The following FANCA variants were observed in gnomAD, a reference collection of about 807,000 sequenced individuals.
FANCA encodes FA complementation group A.
Under a neutral mutation model 194.3 loss-of-function variants are expected in FANCA, and 236 were observed. That is an observed-to-expected ratio of 1.21 (90% CI 1.09 to 1.35). FANCA has a LOEUF of 1.35. FANCA is among the 40% of genes most tolerant of loss of function. The probability of loss-of-function intolerance (pLI) is 0.00; values close to 1 mark genes in which losing one functional copy is unlikely to be tolerated. For synonymous variants in FANCA, 1,014 were observed against 715.8 expected (o/e 1.42, Z -6.65); for missense variants, 2,628 against 1,813.9 (o/e 1.45, Z -8.15).
intron 23 of FANCA, among the ~76,000 whole-genome samples, chr16:89,771,155 C>CAAAAAAAAAAAAAAAAAAA (rs34471552): frequency 1.8e-5 from 1 of 56,644 alleles, no homozygotes; most frequent in African/African-American, 7.3e-5. Context: ...AAGACTCAGT[C>CAAAAAAAAAAAAAAAAAAA]AAAAAAAAAA....
intron 21 of FANCA, 32 bp from the exon 22 acceptor site, chr16:89,773,416 G>C (rs751699948): frequency 1.0e-5 from 15 of 1,453,818 alleles, no homozygotes; most frequent in Non-Finnish European, 1.2e-5. Context: ...CAGATGGAAA[G>C]ACACTCAACA....
chr16:89,760,293 G>C (rs937562817), intron 29 of FANCA, among the ~76,000 whole-genome samples: 4 of 152,230 alleles, frequency 2.6e-5, no homozygotes, highest in African/African-American at 9.6e-5. Context: ...CCATCAGCAC[G>C]TGTTTTGCCG....
intron 33 of FANCA, 113 bp from the exon 34 acceptor site, chr16:89,747,003 C>G (rs987081001): frequency 9.5e-5 from 99 of 1,036,990 alleles, no homozygotes; most frequent in Non-Finnish European, 1.3e-4. Context: ...TAAGGCTTGG[C>G]GTGGCCACCA....
At position 89,744,951 on chromosome 16, in the gene FANCA, A is replaced by C. The variant is rs1419105668; in HGVS notation, c.3626+8T>G. 6.2e-7 allele frequency: 1 copy of C among 1,611,058 alleles called. No homozygotes were observed. Among genetic ancestry groups the C allele is most frequent in the East Asian group, 2.2e-5 (1 of 44,870 alleles). Reference sequence around the variant, plus strand: ...GCGGGCACACCCCATCTCACCACCCACACGTACTCGCTGGCAAACTGCCGG... The same window carrying C: ...GCGGGCACACCCCATCTCACCACCCCCACGTACTCGCTGGCAAACTGCCGG... On this transcript the variant is annotated splice_region_variant and intron_variant, in intron 36 of 42. Transcript: ENST00000389301.
intron 6 of FANCA, among the ~76,000 whole-genome samples, chr16:89,806,400 G>C (rs929325370): frequency 6.7e-6 from 1 of 148,788 alleles, no homozygotes. Flanking sequence ...CTCGCAGAGG[G>C]GGATTTGGCA....
chr16:89,752,803 C>A (rs1005255795), intron 30 of FANCA, among the ~76,000 whole-genome samples: 14 of 152,156 alleles, frequency 9.2e-5, no homozygotes, highest in Non-Finnish European at 1.5e-4. Flanking sequence ...GGAAGACGCC[C>A]GTCACCAAGC....
intron 14 of FANCA, among the ~76,000 whole-genome samples, chr16:89,785,870 T>TTTTTTTTG (rs1567631363): frequency 1.3e-5 from 2 of 149,482 alleles, no homozygotes; most frequent in Admixed American, 6.7e-5. Flanking sequence ...TTTTTTTTTT[T>TTTTTTTTG]TGGAGACAGA....
At chr16:89,791,280 G>A (rs17232609) in intron 14 of FANCA, 123 bp downstream of exon 14, 24 of 1,359,522 alleles carry the variant, frequency 1.8e-5, no homozygotes, top group East Asian at 2.5e-5. Context: ...AAGGCCACTC[G>A]GCAAAGCTGA....
At chr16:89,784,175 C>A (rs1050589524) in intron 15 of FANCA, among the ~76,000 whole-genome samples, 1 of 151,720 alleles carries the variant, frequency 6.6e-6, no homozygotes, top group African/African-American at 2.4e-5. Flanking sequence ...CCAGCCTGGG[C>A]AACACAGCAA....
intron 28 of FANCA, 170 bp downstream of exon 28, chr16:89,764,720 C>G: frequency 1.2e-6 from 1 of 808,998 alleles, no homozygotes; most frequent in Middle Eastern, 2.3e-4. Flanking sequence ...GCACACGCAC[C>G]CTAGACTCGA....
At chr16:89,764,203 C>T (rs556833577) in intron 28 of FANCA, among the ~76,000 whole-genome samples, 1 of 152,308 alleles carries the variant, frequency 6.6e-6, no homozygotes, top group East Asian at 1.9e-4. Context: ...GACTGCACCA[C>T]TGAGCACAGC....
chr16:89,792,670 A>T, intron 11 of FANCA, 123 bp from the exon 12 acceptor site: 1 of 765,476 alleles, frequency 1.3e-6, no homozygotes, highest in South Asian at 1.5e-5. Context: ...GAGAGTGTAG[A>T]AAGAAAGATA....
chr16:89,749,213 G>C (rs1490948145), intron 32 of FANCA, among the ~76,000 whole-genome samples: 3 of 151,000 alleles, frequency 2.0e-5, no homozygotes, highest in Non-Finnish European at 4.4e-5. Context: ...TGAGCAGGAA[G>C]GTTTTGTTGT....
At chr16:89,741,290 A>G (rs1316177256) in intron 37 of FANCA, among the ~76,000 whole-genome samples, 1 of 152,210 alleles carries the variant, frequency 6.6e-6, no homozygotes, top group Non-Finnish European at 1.5e-5. Context: ...CTCGCTGCAC[A>G]CTAGGGTCCT....
chr16:89,800,253 G>T (rs1276108452), intron 8 of FANCA, among the ~76,000 whole-genome samples: 1 of 152,194 alleles, frequency 6.6e-6, no homozygotes, highest in African/African-American at 2.4e-5. Flanking sequence ...TGGAACTAAG[G>T]ACTTTCACCC....
intron 17 of FANCA, among the ~76,000 whole-genome samples, chr16:89,782,238 G>A (rs1228366845): frequency 1.3e-5 from 2 of 150,228 alleles, no homozygotes; most frequent in African/African-American, 4.9e-5. Context: ...TTAGCCAGGC[G>A]TGGTGGCGGG....
chr16:89,758,998 A>G (rs2038854216), intron 29 of FANCA, among the ~76,000 whole-genome samples: 1 of 152,052 alleles, frequency 6.6e-6, no homozygotes, highest in African/African-American at 2.4e-5. Context: ...ACAGCACATG[A>G]GCTTGGTGAA....
intron 17 of FANCA, among the ~76,000 whole-genome samples, chr16:89,781,514 A>C (rs2039704854): frequency 6.7e-6 from 1 of 149,032 alleles, no homozygotes; most frequent in Non-Finnish European, 1.5e-5. Context: ...TCTACTAAAA[A>C]AATACAAAAA....
intron 24 of FANCA, 24 bp downstream of exon 24, chr16:89,770,540 T>C: frequency 2.5e-6 from 4 of 1,587,194 alleles, no homozygotes; most frequent in Non-Finnish European, 3.4e-6. Flanking sequence ...GCCCCACCAC[T>C]CAGGGAGCTG....
Sources: gnomAD v4.1 joint callset for allele counts (sites outside exome capture counted in the v4.1 genomes callset) on GRCh38, gnomAD v4.1.1 for gene constraint, MANE v1.5 for transcripts, NCBI Gene and HGNC (gene_info 2026-07-23, HGNC 2026-07-21) for gene names.